KAT14: variants seen among roughly 807,000 people sequenced by gnomAD.
The protein encoded by KAT14 is cysteine-rich protein 2-binding protein.
Under a neutral mutation model 78.4 loss-of-function variants are expected in KAT14, and 66 were observed. The ratio of observed to expected loss-of-function variants is 0.84; its 90% CI spans 0.69 to 1.03. KAT14 has a LOEUF of 1.03. KAT14 is among the 50% of genes least tolerant of loss of function. The pLI, the probability that KAT14 is intolerant of heterozygous loss-of-function variation, is 0.00. For synonymous variants in KAT14, 344 were observed against 359.4 expected, an observed-to-expected ratio of 0.96 and a Z score of 0.48; for missense variants, 870 against 972.5, an observed-to-expected ratio of 0.89 and a Z score of 1.40.
At chr20:18,167,735 A>G (rs556881779) in intron 7 of KAT14, among the ~76,000 whole-genome samples, 2 of 152,266 alleles carry the variant, frequency 1.3e-5, no homozygotes, top group Admixed American at 6.5e-5. Flanking sequence ...TGTGATTTCT[A>G]ATGTTGTATT....
At chr20:18,179,660 A>G (rs567871009) in intron 7 of KAT14, among the ~76,000 whole-genome samples, 2 of 152,290 alleles carry the variant, frequency 1.3e-5, no homozygotes, top group East Asian at 1.9e-4. Context: ...AGGGGCTGCC[A>G]TGAATACCTA....
At chr20:18,151,753 C>G (rs2038050993) in intron 4 of KAT14, among the ~76,000 whole-genome samples, 1 of 151,548 alleles carries the variant, frequency 6.6e-6, no homozygotes, top group Non-Finnish European at 1.5e-5. Context: ...CCTGTAATCC[C>G]AGCACTTTGG....
At chr20:18,139,624 C>T (rs2037444219) in intron 1 of KAT14, among the ~76,000 whole-genome samples, 2 of 136,754 alleles carry the variant, frequency 1.5e-5, no homozygotes, top group Non-Finnish European at 3.2e-5. Context: ...AGCTGAAGAA[C>T]CAAAATAACG....
chr20:18,175,236 C>G (rs1052252968), intron 7 of KAT14, among the ~76,000 whole-genome samples: 1 of 152,142 alleles, frequency 6.6e-6, no homozygotes, highest in African/African-American at 2.4e-5. Flanking sequence ...TTTTAATCTC[C>G]CTCTGGTGTT....
chr20:18,137,797 C>T, upstream of KAT14: 1 of 720,244 alleles, frequency 1.4e-6, no homozygotes, highest in Non-Finnish European at 2.0e-6. Context: ...GCTCGGCTCT[C>T]GATTGCTCAC....
intron 7 of KAT14, among the ~76,000 whole-genome samples, 183 bp from the exon 8 acceptor site, chr20:18,181,527 C>T (rs113404735): frequency 1.9e-4 from 29 of 152,154 alleles, no homozygotes; most frequent in African/African-American, 6.0e-4. Flanking sequence ...CCTGCCACCA[C>T]GGCCGGCTAA....
chr20:18,166,038 A>G (rs2038627238), intron 7 of KAT14, among the ~76,000 whole-genome samples: 1 of 152,236 alleles, frequency 6.6e-6, no homozygotes, highest in African/African-American at 2.4e-5. Context: ...TGATAGCCTC[A>G]ATATGTGTTA....
intron 4 of KAT14, among the ~76,000 whole-genome samples, chr20:18,154,483 C>T (rs909506024): frequency 1.1e-4 from 17 of 152,186 alleles, no homozygotes; most frequent in Admixed American, 6.5e-4. Context: ...CAGTATTAAC[C>T]GCAGTCTACT....
At chr20:18,159,944 C>A (rs952791412) in intron 5 of KAT14, among the ~76,000 whole-genome samples, 1 of 152,136 alleles carries the variant, frequency 6.6e-6, no homozygotes, top group Admixed American at 6.5e-5. Flanking sequence ...GGTACAGTCT[C>A]GCTTTGTTGC....
intron 7 of KAT14, 111 bp downstream of exon 7, chr20:18,163,056 T>A (rs1182148106): frequency 7.2e-7 from 1 of 1,382,054 alleles, no homozygotes; most frequent in African/African-American, 1.5e-5. Flanking sequence ...CTGAGTAATT[T>A]GGGAAGAGAA....
chr20:18,137,852 C>A, upstream of KAT14: 1 of 1,206,354 alleles, frequency 8.3e-7, no homozygotes, highest in Non-Finnish European at 1.1e-6. Context: ...GGGCTCTGCG[C>A]TCGAGGGGTC....
At chr20:18,145,045 C>A in intron 2 of KAT14, 188 bp from the exon 3 acceptor site, 15 of 1,336,486 alleles carry the variant, frequency 1.1e-5, no homozygotes, top group Non-Finnish European at 1.3e-5. Flanking sequence ...TCTTAGTGGG[C>A]GTATACTTGG....
At chr20:18,144,037 T>C (rs2037720613) in intron 2 of KAT14, among the ~76,000 whole-genome samples, 1 of 152,258 alleles carries the variant, frequency 6.6e-6, no homozygotes, top group Admixed American at 6.5e-5. Flanking sequence ...GGCAAGAGAC[T>C]AGTAAAGATA....
At chr20:18,138,093 GCGTCGA>G (rs2037363689) in intron 1 of KAT14, 42 bp downstream of exon 1, 1 of 1,437,514 alleles carries the variant, frequency 7.0e-7, no homozygotes, top group Non-Finnish European at 9.1e-7. Context: ...CGCGCGCGCG[GCGTCGA>G]CCTGGGGCCT....
intron 7 of KAT14, among the ~76,000 whole-genome samples, chr20:18,164,922 A>G (rs990107533): frequency 2.0e-5 from 3 of 152,114 alleles, no homozygotes; most frequent in African/African-American, 7.2e-5. Context: ...GCGCCTGGCC[A>G]ATATTCACCT....
At chr20:18,138,198 TGCGGCCG>T in intron 1 of KAT14, 147 bp downstream of exon 1, 13 of 1,264,994 alleles carry the variant, frequency 1.0e-5, no homozygotes, top group Non-Finnish European at 1.3e-5. Context: ...CGTTTGCGGC[TGCGGCCG>T]GCGGCCGCTC....
chr20:18,183,399 T>A (rs1272069272), intron 9 of KAT14, 101 bp downstream of exon 9: 5 of 1,407,436 alleles, frequency 3.6e-6, no homozygotes, highest in Non-Finnish European at 4.6e-6. Context: ...TTTTTATTTA[T>A]GATTTCGTTT....
chr20:18,186,483 C>G (rs1352499162), intron 10 of KAT14, among the ~76,000 whole-genome samples: 2 of 152,130 alleles, frequency 1.3e-5, no homozygotes, highest in East Asian at 3.8e-4. Context: ...AGATGACTGT[C>G]AACAGAGGAG....
At chr20:18,166,473 A>G (rs2038645976) in intron 7 of KAT14, among the ~76,000 whole-genome samples, 1 of 152,254 alleles carries the variant, frequency 6.6e-6, no homozygotes, top group South Asian at 2.1e-4. Flanking sequence ...ATAGGGCTTA[A>G]CAAAGAGTTA....
Sources: gnomAD v4.1 joint callset for allele counts (sites outside exome capture counted in the v4.1 genomes callset) on GRCh38, gnomAD v4.1.1 for gene constraint, MANE v1.5 for transcripts, NCBI Gene and HGNC (gene_info 2026-07-23, HGNC 2026-07-21) for gene names.